The following XKR4 variants were observed in gnomAD, a reference collection of about 807,000 sequenced individuals.
XKR4 encodes XK related 4, also known as XK-related protein 4.
XKR4 carries 12 observed loss-of-function variants against 53.9 expected under a neutral mutation model. The observed-to-expected ratio is 0.22, with a 90% CI of 0.14 to 0.36. XKR4 has a LOEUF of 0.36. Ranked by LOEUF, XKR4 falls within the 10% of genes least tolerant of loss-of-function variation. The pLI, the probability that XKR4 is intolerant of heterozygous loss-of-function variation, is 1.00. For missense variants in XKR4, 799 were observed against 859.5 expected (o/e 0.93, Z 0.88); for synonymous variants, 354 against 362.4 (o/e 0.98, Z 0.26).
intron 1 of XKR4, among the ~76,000 whole-genome samples, chr8:55,301,876 T>A (rs1318782050): frequency 3.9e-5 from 6 of 152,234 alleles, no homozygotes; most frequent in East Asian, 1.9e-4. Flanking sequence ...TTTGAGTTCA[T>A]CGTAGATTCT....
At chr8:55,393,440 A>T (rs1804471993) in intron 2 of XKR4, among the ~76,000 whole-genome samples, 1 of 151,156 alleles carries the variant, frequency 6.6e-6, no homozygotes, top group South Asian at 2.1e-4. Flanking sequence ...GGAAGGAAGG[A>T]AGGAAGGAAG....
chr8:55,127,811 A>C (rs1162895659), intron 1 of XKR4, among the ~76,000 whole-genome samples: 1 of 142,850 alleles, frequency 7.0e-6, no homozygotes, highest in Non-Finnish European at 1.5e-5. Flanking sequence ...GTTCCCACCT[A>C]TGAGTGAGAA....
chr8:55,167,709 G>A (rs1817089029), intron 1 of XKR4, among the ~76,000 whole-genome samples: 1 of 152,128 alleles, frequency 6.6e-6, no homozygotes, highest in East Asian at 1.9e-4. Flanking sequence ...ATACTTTTGG[G>A]AGTCACCAAC....
chr8:55,227,552 C>A (rs1817973076), intron 1 of XKR4, among the ~76,000 whole-genome samples: 1 of 152,236 alleles, frequency 6.6e-6, no homozygotes, highest in Non-Finnish European at 1.5e-5. Flanking sequence ...CACTTCCATT[C>A]AAAGATAATC....
chr8:55,254,818 TG>T (rs1488245633), intron 1 of XKR4, among the ~76,000 whole-genome samples: 1 of 152,230 alleles, frequency 6.6e-6, no homozygotes, highest in Non-Finnish European at 1.5e-5. Flanking sequence ...GACTTATTTG[TG>T]GGTTAAAAAC....
At position 55,125,772 on chromosome 8, in the gene XKR4, G is replaced by GA. The variant is rs545632510; in HGVS notation, c.806+22488dup. Among the ~76,000 whole-genome samples the GA allele has an allele frequency of 4.6e-4, 68 of 148,782 alleles. 1 individual carries two copies. The East Asian group carries it at 7.3e-3, about 16-fold the overall frequency. ...AAAGAATATGCAAAGACAATTCCCA[G>GA]AAAAAAAAAATCAACATACAAAAAG... On this transcript the variant is annotated intron_variant, in intron 1 of 2. Transcript: ENST00000327381.
chr8:55,332,502 C>T (rs569342431), intron 1 of XKR4, among the ~76,000 whole-genome samples: 19 of 152,122 alleles, frequency 1.2e-4, no homozygotes, highest in African/African-American at 4.6e-4. Context: ...CAAGGAACTT[C>T]TTCAGCTTTT....
At chr8:55,329,310 C>G (rs962905604) in intron 1 of XKR4, among the ~76,000 whole-genome samples, 2 of 152,162 alleles carry the variant, frequency 1.3e-5, no homozygotes, top group African/African-American at 4.8e-5. Flanking sequence ...CTGCATGTAG[C>G]CCAGGACGGC....
chr8:55,109,586 A>G (rs1192754156), intron 1 of XKR4, among the ~76,000 whole-genome samples: 2 of 151,340 alleles, frequency 1.3e-5, no homozygotes, highest in South Asian at 2.1e-4. Context: ...AATTGGAATA[A>G]TTTATGTATA....
intron 1 of XKR4, among the ~76,000 whole-genome samples, chr8:55,238,396 G>A (rs1189754490): frequency 2.6e-5 from 4 of 152,146 alleles, no homozygotes; most frequent in Admixed American, 2.6e-4. Flanking sequence ...TGAGTAGGCT[G>A]AGGAGGAGGA....
intron 1 of XKR4, among the ~76,000 whole-genome samples, chr8:55,159,781 A>G (rs1816959631): frequency 2.0e-5 from 3 of 152,202 alleles, no homozygotes; most frequent in African/African-American, 7.2e-5. Context: ...TTGAAACTGA[A>G]GAAGGAATGA....
chr8:55,240,984 A>G (rs1471204683), intron 1 of XKR4, among the ~76,000 whole-genome samples: 1 of 152,208 alleles, frequency 6.6e-6, no homozygotes, highest in Non-Finnish European at 1.5e-5. Flanking sequence ...ATGACTTCAC[A>G]TGGTAATCAG....
chr8:55,308,734 T>C (rs1228049994), intron 1 of XKR4, among the ~76,000 whole-genome samples: 1 of 152,174 alleles, frequency 6.6e-6, no homozygotes, highest in Non-Finnish European at 1.5e-5. Context: ...TTTGAAATAA[T>C]CCAGAAACTG....
intron 1 of XKR4, among the ~76,000 whole-genome samples, chr8:55,291,411 A>T (rs1044135289): frequency 2.0e-5 from 3 of 152,214 alleles, no homozygotes; most frequent in African/African-American, 7.2e-5. Flanking sequence ...TCTTGCTGGA[A>T]CTTTTACAGA....
chr8:55,434,410 C>CGTGT (rs10598891), intron 2 of XKR4, among the ~76,000 whole-genome samples: 31,081 of 148,080 alleles, frequency 0.21, 3,258 homozygotes, highest in Non-Finnish European at 0.26. Context: ...TGATACCAAT[C>CGTGT]GTGTGTGTGT....
chr8:55,464,412 C>G (rs541977704), intron 2 of XKR4, among the ~76,000 whole-genome samples: 30 of 152,246 alleles, frequency 2.0e-4, no homozygotes, highest in East Asian at 7.7e-4. Flanking sequence ...AAACGCCTTT[C>G]ACAAAATTCA....
chr8:55,118,076 C>T (rs1000227697), intron 1 of XKR4, among the ~76,000 whole-genome samples: 7 of 152,228 alleles, frequency 4.6e-5, no homozygotes, highest in Admixed American at 1.3e-4. Flanking sequence ...TGAATATCTG[C>T]GTGTGGACTG....
chr8:55,181,928 A>T (rs1320758799), intron 1 of XKR4, among the ~76,000 whole-genome samples: 1 of 152,132 alleles, frequency 6.6e-6, no homozygotes, highest in Non-Finnish European at 1.5e-5. Flanking sequence ...GCTATATGTT[A>T]TTAAAATATT....
chr8:55,306,071 A>G (rs1413265594), intron 1 of XKR4, among the ~76,000 whole-genome samples: 2 of 152,222 alleles, frequency 1.3e-5, no homozygotes, highest in Admixed American at 1.3e-4. Flanking sequence ...GGAGAAGGCA[A>G]ATTTTACAAA....
Sources: allele counts gnomAD v4.1 joint callset (sites outside exome capture counted in the v4.1 genomes callset), GRCh38; gene constraint gnomAD v4.1.1; transcripts MANE v1.5; gene names NCBI Gene and HGNC (gene_info 2026-07-23, HGNC 2026-07-21).